The following CYRIB variants were observed in gnomAD, a reference collection of about 807,000 sequenced individuals.
CYRIB encodes CYFIP related Rac1 interactor B, also known as CYFIP-related Rac1 interactor B.
CYRIB carries 8 observed loss-of-function variants against 44.2 expected under a neutral mutation model. The observed-to-expected ratio is 0.18, with a 90% CI of 0.11 to 0.33. CYRIB has a LOEUF of 0.33. Among genes scored for constraint, CYRIB ranks in the 10% least tolerant of loss-of-function variants. The pLI is 1.00. For synonymous variants in CYRIB, 131 were observed against 127.2 expected (o/e 1.03, Z -0.20); for missense variants, 185 against 382.8 (o/e 0.48, Z 4.31).
chr8:129,936,907 C>T (rs7845371), intron 1 of CYRIB, among the ~76,000 whole-genome samples: 6,471 of 152,010 alleles, frequency 0.043, 230 homozygotes, highest in African/African-American at 0.096. Context: ...CGGGGTTTCA[C>T]CATGTTAGCC....
chr8:129,970,288 G>A (rs2095640054), intron 2 of CYRIB, among the ~76,000 whole-genome samples: 1 of 152,074 alleles, frequency 6.6e-6, no homozygotes, highest in Non-Finnish European at 1.5e-5. Flanking sequence ...TAGGAAACCG[G>A]GGGAAAAAAG....
intron 4 of CYRIB, among the ~76,000 whole-genome samples, chr8:129,870,796 C>T (rs186014791): frequency 6.6e-6 from 1 of 151,510 alleles, no homozygotes; most frequent in Non-Finnish European, 1.5e-5. Context: ...GGATATGCTA[C>T]GGGGAAGAAT....
chr8:129,974,811 C>T (rs115488856), intron 1 of CYRIB, among the ~76,000 whole-genome samples: 6,079 of 151,518 alleles, frequency 0.04, 142 homozygotes, highest in Middle Eastern at 0.068. Context: ...CCTCAACCTC[C>T]TGGGCTCAAA....
intron 2 of CYRIB, among the ~76,000 whole-genome samples, chr8:129,890,301 T>G (rs1588773431): frequency 6.6e-6 from 1 of 152,298 alleles, no homozygotes; most frequent in East Asian, 1.9e-4. Flanking sequence ...TTGTCTTATT[T>G]TAAGAAATTG....
chr8:130,016,888 A>C (rs1400336881), upstream of CYRIB: 1 of 152,010 alleles, frequency 6.6e-6, no homozygotes, highest in Non-Finnish European at 1.5e-5. Flanking sequence ...TGCGAGGAGG[A>C]AACCCGGCTC....
intron 2 of CYRIB, among the ~76,000 whole-genome samples, chr8:129,893,454 T>A (rs2066352088): frequency 6.6e-6 from 1 of 152,170 alleles, no homozygotes; most frequent in Non-Finnish European, 1.5e-5. Context: ...GTAAAGTAAA[T>A]AAAAGCTTCC....
chr8:129,961,840 GCAGACCTAGACTGAATTCTGGCCTTGT>G lies in CYRIB; in HGVS notation c.-243+9076_-243+9102del, dbSNP rs531908060. ...GCAATGCAAGGGGCTTCTGAAACTG[GCAGACCTAGACTGAATTCTGGCCTTGT>G]CAGAGCCCAGGCCTATGACCTCGGG... On this transcript the variant is annotated intron_variant, in intron 2 of 14. Coordinates refer to the CYRIB transcript ENST00000401979. Among the ~76,000 whole-genome samples the G allele has an allele frequency of 1.5e-4, 23 of 152,324 alleles. 1 individual carries two copies. The East Asian group carries it at 4.4e-3, about 29-fold the overall frequency.
At chr8:129,900,437 C>A (rs2070969580) in intron 2 of CYRIB, among the ~76,000 whole-genome samples, 1 of 152,158 alleles carries the variant, frequency 6.6e-6, no homozygotes, top group Non-Finnish European at 1.5e-5. Flanking sequence ...GTGTCAGCTG[C>A]TGGGCAAACA....
intron 3 of CYRIB, among the ~76,000 whole-genome samples, chr8:129,871,898 C>T (rs920888816): frequency 1.3e-5 from 2 of 152,102 alleles, no homozygotes; most frequent in African/African-American, 4.8e-5. Flanking sequence ...CCTACTAAAA[C>T]ATGTTGCTCA....
At chr8:130,006,594 TTATATATATATACATATATATGTG>T (rs2097079480) in intron 1 of CYRIB, among the ~76,000 whole-genome samples, 1 of 15,322 alleles carries the variant, frequency 6.5e-5, no homozygotes, top group Non-Finnish European at 1.0e-4. Flanking sequence ...AAAACACAAA[TTATATATATATACATATATATGTG>T]TATATATATA....
intron 1 of CYRIB, among the ~76,000 whole-genome samples, chr8:129,913,103 C>T (rs892697562): frequency 1.3e-5 from 2 of 151,888 alleles, no homozygotes; most frequent in African/African-American, 4.8e-5. Context: ...TCCCACGTAG[C>T]TGGGACTACA....
At chr8:130,013,547 T>C (rs1328999016) in intron 1 of CYRIB, among the ~76,000 whole-genome samples, 3 of 152,240 alleles carry the variant, frequency 2.0e-5, no homozygotes, top group Admixed American at 1.3e-4. Context: ...ACACTTCCTT[T>C]ACAATGCTCA....
chr8:129,874,582 C>T (rs2058493452), intron 3 of CYRIB, among the ~76,000 whole-genome samples: 1 of 151,982 alleles, frequency 6.6e-6, no homozygotes, highest in African/African-American at 2.4e-5. Flanking sequence ...CAGTATGTAC[C>T]ACTGGTACAT....
chr8:129,919,257 T>G (rs77740203), intron 1 of CYRIB, among the ~76,000 whole-genome samples: 2,548 of 152,302 alleles, frequency 0.017, 80 homozygotes, highest in African/African-American at 0.058. Context: ...ATATATCTGA[T>G]ATGTGGTAAC....
intron 11 of CYRIB, among the ~76,000 whole-genome samples, chr8:129,845,352 T>A (rs80048770): frequency 0.01 from 1,540 of 152,296 alleles, 14 homozygotes; most frequent in Middle Eastern, 0.02. Context: ...TCAGGTTGAC[T>A]GAGACACAGG....
intron 1 of CYRIB, among the ~76,000 whole-genome samples, chr8:129,977,248 C>T (rs529379207): frequency 1.3e-5 from 2 of 152,312 alleles, no homozygotes; most frequent in East Asian, 3.9e-4. Context: ...AGGCATCTAA[C>T]AGGTATGTGG....
intron 2 of CYRIB, among the ~76,000 whole-genome samples, chr8:129,899,162 G>A (rs900950084): frequency 1.3e-5 from 2 of 152,004 alleles, no homozygotes; most frequent in African/African-American, 4.8e-5. Context: ...CACTGCACCT[G>A]GCCTTTCATT....
At position 129,859,727 on chromosome 8, in the gene CYRIB, G is replaced by A. The variant is rs139866118; in HGVS notation, c.301+2502C>T. Among the ~76,000 whole-genome samples, 5 of 152,292 alleles carry A rather than the reference G, an allele frequency of 3.3e-5. No homozygotes were observed. In the East Asian group the frequency reaches 9.6e-4, roughly 29 times the overall value. On this transcript the variant is annotated intron_variant, in intron 5 of 11. Coordinates refer to ENST00000519824, the Ensembl canonical transcript of CYRIB. Reference sequence around the variant, plus strand: ...TGGCTTTTCCTAGGTTATGATTATAGAGCGAGGATTATTATAATATTGGAA... The same window carrying A: ...TGGCTTTTCCTAGGTTATGATTATAAAGCGAGGATTATTATAATATTGGAA...
At chr8:129,985,142 G>A (rs561876260) in intron 1 of CYRIB, among the ~76,000 whole-genome samples, 1 of 152,278 alleles carries the variant, frequency 6.6e-6, no homozygotes, top group East Asian at 1.9e-4. Flanking sequence ...GGTGATCTGG[G>A]ACAAGTTTCT....
Sources: gnomAD v4.1 joint callset for allele counts (sites outside exome capture counted in the v4.1 genomes callset) on GRCh38, gnomAD v4.1.1 for gene constraint, MANE v1.5 for transcripts, NCBI Gene and HGNC (gene_info 2026-07-23, HGNC 2026-07-21) for gene names.